Variants in EDNRA observed in about 807,000 individuals in gnomAD.
EDNRA encodes the protein endothelin-1 receptor.
Under a neutral mutation model 41.4 loss-of-function variants are expected in EDNRA, and 11 were observed. That is an observed-to-expected ratio of 0.27 (90% CI 0.17 to 0.44). EDNRA has a LOEUF of 0.44. Ranked by LOEUF, EDNRA falls within the 20% of genes least tolerant of loss-of-function variation. The pLI, the probability that EDNRA is intolerant of heterozygous loss-of-function variation, is 1.00. For missense variants in EDNRA, 294 were observed against 531.0 expected, an observed-to-expected ratio of 0.55 and a Z score of 4.39; for synonymous variants, 172 against 183.0, an observed-to-expected ratio of 0.94 and a Z score of 0.49.
intron 7 of EDNRA, among the ~76,000 whole-genome samples, chr4:147,541,879 G>A (rs1331409129): frequency 6.6e-6 from 1 of 152,110 alleles, no homozygotes; most frequent in African/African-American, 2.4e-5. Flanking sequence ...TATTCATTGG[G>A]GGAGGGAAAA....
chr4:147,485,486 T>A, intron 1 of EDNRA, 126 bp from the exon 2 acceptor site: 1 of 684,614 alleles, frequency 1.5e-6, no homozygotes, highest in Non-Finnish European at 2.4e-6. Context: ...GGTAACCTGA[T>A]ATACATATAT....
At chr4:147,535,783 A>C in intron 4 of EDNRA, 94 bp from the exon 5 acceptor site, 1 of 1,469,572 alleles carries the variant, frequency 6.8e-7, no homozygotes, top group Non-Finnish European at 9.2e-7. Context: ...ATGTATCTGC[A>C]AGTTTAAAGA....
intron 2 of EDNRA, among the ~76,000 whole-genome samples, chr4:147,505,281 G>A (rs1273602109): frequency 1.4e-5 from 2 of 147,218 alleles, no homozygotes; most frequent in Non-Finnish European, 3.0e-5. Context: ...TGGTGGAAAC[G>A]GAATGTAGAG....
chr4:147,519,841 CT>C lies in EDNRA; in HGVS notation c.421-8del. ...CTACCATTTCTTACCACTGTGTCTCCTTCTTTCAGCTGCTGGCTGGGCGCTG... is the reference window on the plus strand; with the variant it reads ...CTACCATTTCTTACCACTGTGTCTCCTCTTTCAGCTGCTGGCTGGGCGCTG... On this transcript the variant is annotated splice_polypyrimidine_tract_variant and intron_variant, in intron 2 of 7. Transcript: ENST00000651419. This position sits in a 1 kb window ranked among gnomAD's most constrained non-coding sequence, Gnocchi z 4.1. 1 of 1,613,162 alleles carries C rather than the reference CT, an allele frequency of 6.2e-7. No individual in the cohort carries two copies. The highest frequency in any genetic ancestry group is 8.5e-7 in the Non-Finnish European group (1 of 1,179,454).
intron 2 of EDNRA, among the ~76,000 whole-genome samples, chr4:147,499,907 C>T (rs1324593974): frequency 3.4e-5 from 5 of 145,026 alleles, no homozygotes; most frequent in African/African-American, 1.0e-4. Context: ...CGAGTTCAAG[C>T]GATTCTCCTA....
intron 2 of EDNRA, chr4:147,506,755 T>G (rs750885855): frequency 3.4e-6 from 1 of 290,934 alleles, no homozygotes; most frequent in Non-Finnish European, 6.9e-6. Context: ...GGAGAAGAAA[T>G]GAGTGATTAA....
chr4:147,504,324 T>G (rs72959582), intron 2 of EDNRA, among the ~76,000 whole-genome samples: 2,243 of 152,336 alleles, frequency 0.015, 56 homozygotes, highest in African/African-American at 0.048. Flanking sequence ...TCTTGTACTT[T>G]GCATAGATCG....
At chr4:147,534,479 C>A (rs531133202) in intron 4 of EDNRA, among the ~76,000 whole-genome samples, 95 of 152,314 alleles carry the variant, frequency 6.2e-4, no homozygotes, top group African/African-American at 2.2e-3. Flanking sequence ...TTTTCACTAA[C>A]TTCTAACTGA....
chr4:147,536,750 G>A (rs2126482066), intron 5 of EDNRA, among the ~76,000 whole-genome samples: 1 of 152,328 alleles, frequency 6.6e-6, no homozygotes, highest in South Asian at 2.1e-4. Flanking sequence ...AGTTCTAGAA[G>A]GAATTTGAAC....
chr4:147,537,212 T>A (rs1471098923), intron 5 of EDNRA, among the ~76,000 whole-genome samples: 19 of 152,232 alleles, frequency 1.2e-4, no homozygotes, highest in Non-Finnish European at 1.5e-5. Flanking sequence ...GCTTTTCATC[T>A]GTAAATTGGG....
At chr4:147,520,116 C>A in intron 3 of EDNRA, 138 bp downstream of exon 3, 1 of 1,218,410 alleles carries the variant, frequency 8.2e-7, no homozygotes, top group South Asian at 1.6e-5. Flanking sequence ...ACCATCTTGC[C>A]TTTGCTGTTT....
intron 1 of EDNRA, among the ~76,000 whole-genome samples, chr4:147,484,218 C>A (rs779556047): frequency 3.3e-5 from 5 of 152,130 alleles, no homozygotes; most frequent in Admixed American, 6.5e-5. Flanking sequence ...GTCTCCTAGA[C>A]TTCCTGGACA....
intron 2 of EDNRA, among the ~76,000 whole-genome samples, chr4:147,502,928 C>T (rs1314719379): frequency 6.6e-6 from 1 of 152,000 alleles, no homozygotes; most frequent in Admixed American, 6.6e-5. Flanking sequence ...TAGTTTATAA[C>T]TTCATGTAGT....
intron 2 of EDNRA, among the ~76,000 whole-genome samples, chr4:147,514,443 A>G (rs866091160): frequency 1.3e-5 from 2 of 151,822 alleles, no homozygotes; most frequent in African/African-American, 4.8e-5. Flanking sequence ...TGCAGGCTAC[A>G]TGGCCCCAAC....
At chr4:147,502,892 G>C (rs576714573) in intron 2 of EDNRA, among the ~76,000 whole-genome samples, 3 of 152,136 alleles carry the variant, frequency 2.0e-5, no homozygotes, top group African/African-American at 7.2e-5. Context: ...TTTTAGGACT[G>C]ATATGACTGC....
At chr4:147,542,388 T>A in intron 7 of EDNRA, 90 bp from the exon 8 acceptor site, 1 of 1,553,384 alleles carries the variant, frequency 6.4e-7, no homozygotes, top group South Asian at 1.2e-5. Flanking sequence ...AATGGACATT[T>A]GCCCCTCATT....
At chr4:147,496,145 C>T (rs1174785949) in intron 2 of EDNRA, 1 of 152,084 alleles carries the variant, frequency 6.6e-6, no homozygotes, top group Non-Finnish European at 1.5e-5. Context: ...TAACACATTA[C>T]ACTGCATCCC....
chr4:147,541,503 G>C lies in EDNRA; in HGVS notation c.1144-975G>C, dbSNP rs577763070. On this transcript the variant is annotated intron_variant, in intron 7 of 7. Transcript: ENST00000651419. ...AGGTAGTGCCTCTCTTGCTTTTTCA[G>C]TTTCCTCACCTATAAAATTGGATGA... Among the ~76,000 whole-genome samples, 12 of 152,302 alleles carry C rather than the reference G, an allele frequency of 7.9e-5. No homozygotes were observed. The South Asian group carries it at 2.5e-3, about 32-fold the overall frequency.
intron 2 of EDNRA, chr4:147,491,479 G>T (rs1187934598): frequency 6.6e-6 from 1 of 152,176 alleles, no homozygotes; most frequent in Non-Finnish European, 1.5e-5. Flanking sequence ...AATGCTTGTT[G>T]TTATGATTTG....
Sources: gnomAD v4.1 joint callset for allele counts (sites outside exome capture counted in the v4.1 genomes callset) on GRCh38, gnomAD v4.1.1 for gene constraint, Gnocchi (gnomAD v3.1) non-coding constraint, MANE v1.5 for transcripts, NCBI Gene and HGNC (gene_info 2026-07-23, HGNC 2026-07-21) for gene names.